Variants in SYTL2 observed in about 807,000 individuals in gnomAD.
SYTL2 encodes synaptotagmin-like protein 2.
A neutral mutation model predicts 198.7 loss-of-function variants in SYTL2; 165 were observed. That is an observed-to-expected ratio of 0.83 (90% confidence interval 0.73 to 0.94). The LOEUF is 0.94. Ranked by LOEUF, SYTL2 falls within the 40% of genes least tolerant of loss-of-function variation. SYTL2 has a pLI of 0.00. For missense variants in SYTL2, 2,835 were observed against 2,582.8 expected, an observed-to-expected ratio of 1.10 and a Z score of -2.12; for synonymous variants, 966 against 917.7, an observed-to-expected ratio of 1.05 and a Z score of -0.95.
At chr11:85,712,388 G>T (rs2086459527) in intron 12 of SYTL2, among the ~76,000 whole-genome samples, 1 of 152,142 alleles carries the variant, frequency 6.6e-6, no homozygotes, top group Non-Finnish European at 1.5e-5. Context: ...TTATTGGAAG[G>T]ATAGGACTCT....
chr11:85,818,697 C>CTATT, the SYTL2 span, among the ~76,000 whole-genome samples: 135 of 152,090 alleles, frequency 8.9e-4, no homozygotes, highest in Non-Finnish European at 1.5e-3. Flanking sequence ...ATCTACCTAT[C>CTATT]TATTTATTTA....
At chr11:85,730,676 A>G (rs688689) in intron 7 of SYTL2, among the ~76,000 whole-genome samples, 111,814 of 151,436 alleles carry the variant, frequency 0.74, 41,864 homozygotes, top group African/African-American at 0.86. Flanking sequence ...CTCTTTGAAA[A>G]CTGGCACAAG....
rs1464026228 is a variant in SYTL2 at position 85,757,753 on chromosome 11, C to T, written c.-28G>A. Reference sequence around the variant, plus strand: ...TGAAAAGTGCATGCAAAAATAATAGCAACAAATGTGGCTCAAAATTCTCAG... The same window carrying T: ...TGAAAAGTGCATGCAAAAATAATAGTAACAAATGTGGCTCAAAATTCTCAG... On this transcript the variant is annotated 5_prime_UTR_variant, in exon 2 of 20. Transcript: ENST00000359152. 2 of 1,607,038 alleles carry T rather than the reference C, an allele frequency of 1.2e-6. No individual in the cohort carries two copies. The highest frequency in any genetic ancestry group is 1.3e-5 in the African/African-American group (1 of 75,018).
chr11:85,849,602 T>C, the SYTL2 span, among the ~76,000 whole-genome samples: 5 of 151,092 alleles, frequency 3.3e-5, no homozygotes, highest in African/African-American at 4.9e-5. Context: ...GTTGTAGATA[T>C]GCGGCGTTAT....
At chr11:85,851,109 T>C in the SYTL2 span, among the ~76,000 whole-genome samples, 1 of 151,812 alleles carries the variant, frequency 6.6e-6, no homozygotes, top group Non-Finnish European at 1.5e-5. Context: ...CGCACCAGCA[T>C]GGCACATGTA....
chr11:85,844,285 G>A, the SYTL2 span, among the ~76,000 whole-genome samples: 1 of 152,158 alleles, frequency 6.6e-6, no homozygotes, highest in Non-Finnish European at 1.5e-5. Context: ...TGTATAAAGG[G>A]TAAAATAGTA....
At position 85,725,441 on chromosome 11, in the gene SYTL2, G is replaced by A. The variant is rs1591753248; in HGVS notation, c.3917C>T (p.Ser1306Phe). ...CTGGGAAGTTGGATCCAATGGATGA[G>A]AATCTTCTGCAGCCATCTGAATCAA... Reference protein sequence around the residue: ...QNLIQMAAEDSHPLDPTSQLS... With the variant: ...QNLIQMAAEDFHPLDPTSQLS... The change falls in exon 8 of 20, where the codon TCT becomes TTT. Residue 1306 changes from serine (S) to phenylalanine (F), a missense_variant. Around this residue, in one of 3 missense-constraint regions of SYTL2, gnomAD observed 2,645 missense variants for 2,381.7 expected, o/e 1.11. Transcript: ENST00000359152. The A allele has an allele frequency of 1.9e-6, 3 of 1,614,104 alleles. No homozygotes were observed. Among genetic ancestry groups the A allele is most frequent in the Non-Finnish European group, 2.5e-6 (3 of 1,179,998 alleles).
At chr11:85,765,126 T>A (rs569655524) in intron 1 of SYTL2, among the ~76,000 whole-genome samples, 3 of 152,344 alleles carry the variant, frequency 2.0e-5, no homozygotes, top group African/African-American at 7.2e-5. Flanking sequence ...TGGTTCAAGG[T>A]AGCCTCTTAA....
chr11:85,805,741 G>C (rs1330935050), intron 1 of SYTL2, among the ~76,000 whole-genome samples: 1 of 152,204 alleles, frequency 6.6e-6, no homozygotes, highest in African/African-American at 2.4e-5. Context: ...TATTCACTCA[G>C]AAATCAACTG....
At chr11:85,769,614 G>C (rs537522311) in intron 1 of SYTL2, among the ~76,000 whole-genome samples, 1 of 152,194 alleles carries the variant, frequency 6.6e-6, no homozygotes, top group Non-Finnish European at 1.5e-5. Context: ...TACACAGTCT[G>C]AGGACACGAT....
intron 7 of SYTL2, among the ~76,000 whole-genome samples, chr11:85,731,317 T>C (rs945282451): frequency 6.6e-6 from 1 of 152,208 alleles, no homozygotes; most frequent in Non-Finnish European, 1.5e-5. Flanking sequence ...GGCATCACGC[T>C]ACCTGACTTC....
At chr11:85,754,901 C>G (rs2153543514) in intron 2 of SYTL2, among the ~76,000 whole-genome samples, 1 of 152,274 alleles carries the variant, frequency 6.6e-6, no homozygotes, top group South Asian at 2.1e-4. Context: ...GAGGGAAAAG[C>G]ACCGGCCCAA....
rs771035410 is a variant in SYTL2 at position 85,724,883 on chromosome 11, G to T, written c.4475C>A (p.Ser1492Ter). Residue 1492 changes from serine (S) to a stop codon, truncating the protein, a stop_gained, in exon 8 of 20, where the codon TCA (serine) becomes TAA (stop). Coordinates refer to ENST00000359152, the MANE Select transcript of SYTL2 (RefSeq NM_206927.4). LOFTEE classifies it high-confidence loss of function. ...IVRETIVQPK[S>*]EFLEFSAGLE... ...GCCAGCACTGAATTCGAGGAACTCT[G>T]ATTTGGGTTGAACAATTGTTTCCCT... The T allele has an allele frequency of 6.2e-6, 10 of 1,614,110 alleles. No homozygotes were observed. The Middle Eastern group carries it at 8.2e-4, about 133-fold the overall frequency.
chr11:85,711,107 A>T lies in SYTL2; in HGVS notation c.5745+6T>A. The T allele has an allele frequency of 1.2e-6, 2 of 1,613,846 alleles. No homozygotes were observed. Among genetic ancestry groups the T allele is most frequent in the Non-Finnish European group, 1.7e-6 (2 of 1,179,870 alleles). On this transcript the variant is annotated splice_donor_region_variant and intron_variant, in intron 13 of 19. Transcript: ENST00000359152. ...AGATATTAATATGGAGCCTTTGTTT[A>T]CATACAGAAGACAAGGACGTCATGC...
chr11:85,801,281 C>A (rs2092882963), intron 1 of SYTL2, among the ~76,000 whole-genome samples: 1 of 152,134 alleles, frequency 6.6e-6, no homozygotes, highest in African/African-American at 2.4e-5. Flanking sequence ...AAAAAGGGGC[C>A]TTAAACTTTT....
intron 11 of SYTL2, among the ~76,000 whole-genome samples, chr11:85,715,863 A>C (rs1285923028): frequency 6.6e-6 from 1 of 152,218 alleles, no homozygotes; most frequent in Non-Finnish European, 1.5e-5. Context: ...CTATTTTCAA[A>C]GTATATTGTT....
At chr11:85,719,256 T>C in intron 9 of SYTL2, 1 of 1,182,008 alleles carries the variant, frequency 8.5e-7, no homozygotes, top group Non-Finnish European at 1.1e-6. Flanking sequence ...CATTCACATA[T>C]GCCTCTGGGA....
At chr11:85,784,031 T>C (rs755107567) in intron 1 of SYTL2, among the ~76,000 whole-genome samples, 2 of 152,206 alleles carry the variant, frequency 1.3e-5, no homozygotes, top group Non-Finnish European at 2.9e-5. Context: ...TGGGCATTAC[T>C]TGGCCACAAC....
chr11:85,745,529 C>T, intron 4 of SYTL2, 108 bp downstream of exon 4: 1 of 1,288,992 alleles, frequency 7.8e-7, no homozygotes, highest in Non-Finnish European at 1.1e-6. Flanking sequence ...TTCCCCATGC[C>T]CATGACCCCA....
Sources: gnomAD v4.1 joint callset for allele counts (sites outside exome capture counted in the v4.1 genomes callset) on GRCh38, gnomAD v4.1.1 for gene constraint, gnomAD v4.1.1 regional missense constraint, MANE v1.5 for transcripts, NCBI Gene and HGNC (gene_info 2026-07-23, HGNC 2026-07-21) for gene names.